ATRNL1: variants seen among roughly 807,000 people sequenced by gnomAD.
ATRNL1 encodes attractin like 1, also known as attractin-like protein 1.
Under a neutral mutation model 182.7 loss-of-function variants are expected in ATRNL1, and 95 were observed. The ratio of observed to expected loss-of-function variants is 0.52; its 90% CI spans 0.44 to 0.62. The LOEUF (loss-of-function observed/expected upper bound fraction) is 0.62. ATRNL1 is among the 20% of genes least tolerant of loss of function. The pLI is 0.00. For synonymous variants in ATRNL1, 576 were observed against 568.3 expected (o/e 1.01, Z -0.19); for missense variants, 1,471 against 1,679.5 (o/e 0.88, Z 2.17).
chr10:115,534,636 T>C (rs1312415072), intron 25 of ATRNL1, among the ~76,000 whole-genome samples: 10 of 152,270 alleles, frequency 6.6e-5, no homozygotes, highest in Non-Finnish European at 1.0e-4. Flanking sequence ...TGTGTGAATT[T>C]GATCCTGTCA....
chr10:115,582,923 T>C (rs1467620222), intron 26 of ATRNL1, among the ~76,000 whole-genome samples: 3 of 149,376 alleles, frequency 2.0e-5, no homozygotes, highest in Admixed American at 1.3e-4. Context: ...GATTTTTGTA[T>C]AAGGTGTAAG....
intron 21 of ATRNL1, among the ~76,000 whole-genome samples, chr10:115,445,517 G>A (rs937468412): frequency 1.2e-4 from 16 of 139,098 alleles, no homozygotes; most frequent in African/African-American, 4.3e-4. Flanking sequence ...GTGTGTGTGT[G>A]TGTGTGTGTG....
At chr10:115,292,580 C>G (rs1306307696) in intron 15 of ATRNL1, among the ~76,000 whole-genome samples, 1 of 152,010 alleles carries the variant, frequency 6.6e-6, no homozygotes, top group Non-Finnish European at 1.5e-5. Context: ...TCAGCAGTCT[C>G]AAGTAATTTT....
intron 8 of ATRNL1, among the ~76,000 whole-genome samples, chr10:115,189,003 G>GT (rs1343701236): frequency 6.6e-6 from 1 of 152,138 alleles, no homozygotes; most frequent in Non-Finnish European, 1.5e-5. Flanking sequence ...AAATGAAACA[G>GT]TATCAATATA....
chr10:115,876,073 G>A (rs1951693814), intron 28 of ATRNL1, among the ~76,000 whole-genome samples: 1 of 152,156 alleles, frequency 6.6e-6, no homozygotes, highest in African/African-American at 2.4e-5. Flanking sequence ...CTGGAACCTG[G>A]AATGGCTGTA....
At chr10:115,932,920 C>T (rs1159790083) in intron 28 of ATRNL1, among the ~76,000 whole-genome samples, 1 of 152,154 alleles carries the variant, frequency 6.6e-6, no homozygotes, top group Non-Finnish European at 1.5e-5. Flanking sequence ...TTATGTGCAT[C>T]ACTACCCAAC....
rs144775559 is a variant in ATRNL1 at position 115,229,961 on chromosome 10, C to G, written c.1533-11610C>G. On this transcript the variant is annotated intron_variant, in intron 9 of 28. Transcript: ENST00000355044. ...AGAGGACATTACAATACCCTAGAAG[C>G]CCCCATGTGTCCCTTTATGATTGTA... is the stretch of plus-strand genomic sequence containing the variant. Among the ~76,000 whole-genome samples the G allele has an allele frequency of 1.2e-3, 188 of 152,230 alleles. 2 individuals carry two copies. Among genetic ancestry groups the G allele is most frequent in the African/African-American group, 3.7e-3 (152 of 41,560 alleles).
In ATRNL1 at chr10:115,452,259, T is replaced by C. The variant is rs1847316936; in HGVS notation, c.3323-9682T>C. On this transcript the variant is annotated intron_variant, in intron 21 of 28. Transcript: ENST00000355044. ...CTTCTGAACCTAAAATTAAAGTTTTTTAAAATCAATATTTATTGTGGAGGG... is the reference window on the plus strand; with the variant it reads ...CTTCTGAACCTAAAATTAAAGTTTTCTAAAATCAATATTTATTGTGGAGGG... Among the ~76,000 whole-genome samples, 3 of 152,276 alleles carry C rather than the reference T, an allele frequency of 2.0e-5. No homozygotes were observed. In the South Asian group the frequency reaches 6.2e-4, roughly 32 times the overall value.
At chr10:115,776,885 G>A (rs782258679) in intron 27 of ATRNL1, among the ~76,000 whole-genome samples, 5 of 152,094 alleles carry the variant, frequency 3.3e-5, no homozygotes, top group East Asian at 1.9e-4. Flanking sequence ...GGCCAGGCGC[G>A]GCGGCTCACA....
chr10:115,344,573 G>T (rs555856123), intron 19 of ATRNL1, among the ~76,000 whole-genome samples: 6 of 152,276 alleles, frequency 3.9e-5, no homozygotes, highest in African/African-American at 1.4e-4. Context: ...TGCCATCCAA[G>T]AGTTAAGTCC....
At chr10:115,402,711 G>A (rs1844623618) in intron 20 of ATRNL1, among the ~76,000 whole-genome samples, 1 of 152,058 alleles carries the variant, frequency 6.6e-6, no homozygotes, top group Admixed American at 6.6e-5. Flanking sequence ...AAGATATATG[G>A]CAATATTACT....
chr10:115,304,398 T>C (rs1156950079), intron 17 of ATRNL1, among the ~76,000 whole-genome samples: 2 of 152,200 alleles, frequency 1.3e-5, no homozygotes, highest in African/African-American at 4.8e-5. Flanking sequence ...ATGGCTCCCA[T>C]GAGTGGAGGA....
intron 27 of ATRNL1, among the ~76,000 whole-genome samples, chr10:115,815,713 C>T (rs782064783): frequency 1.7e-4 from 26 of 151,748 alleles, no homozygotes; most frequent in Admixed American, 9.2e-4. Flanking sequence ...TATATGTATC[C>T]GTGAATAGAA....
chr10:115,115,615 G>T (rs2143574552), intron 1 of ATRNL1, among the ~76,000 whole-genome samples: 1 of 152,098 alleles, frequency 6.6e-6, no homozygotes, highest in Admixed American at 6.6e-5. Context: ...TTTTAAAAAA[G>T]ATTTCTATGT....
intron 26 of ATRNL1, among the ~76,000 whole-genome samples, chr10:115,724,990 C>T (rs1302194889): frequency 6.6e-6 from 1 of 152,160 alleles, no homozygotes; most frequent in Non-Finnish European, 1.5e-5. Context: ...GACTCTCTAA[C>T]TAGTCTTCTA....
chr10:115,733,309 T>C (rs1455842253), intron 27 of ATRNL1, among the ~76,000 whole-genome samples: 1 of 152,136 alleles, frequency 6.6e-6, no homozygotes, highest in East Asian at 1.9e-4. Context: ...TCTCCACCTA[T>C]AAAGAAAATT....
intron 26 of ATRNL1, among the ~76,000 whole-genome samples, chr10:115,600,933 T>G (rs1439906315): frequency 4.9e-5 from 2 of 40,954 alleles, no homozygotes; most frequent in African/African-American, 2.4e-4. Flanking sequence ...TATTTTCTTT[T>G]TTTTTTTTTT....
At chr10:115,724,125 A>C (rs1593126043) in intron 26 of ATRNL1, among the ~76,000 whole-genome samples, 1 of 152,210 alleles carries the variant, frequency 6.6e-6, no homozygotes, top group East Asian at 1.9e-4. Flanking sequence ...CAAAATGTTA[A>C]GCTTCATTTT....
At chr10:115,516,621 T>C (rs1850653015) in intron 24 of ATRNL1, among the ~76,000 whole-genome samples, 1 of 151,874 alleles carries the variant, frequency 6.6e-6, no homozygotes, top group African/African-American at 2.4e-5. Context: ...TCCGAACTCT[T>C]TGTCATGGCC....
Sources: gnomAD v4.1 joint callset for allele counts (sites outside exome capture counted in the v4.1 genomes callset) on GRCh38, gnomAD v4.1.1 for gene constraint, MANE v1.5 for transcripts, NCBI Gene and HGNC (gene_info 2026-07-23, HGNC 2026-07-21) for gene names.